Variants in RIT2 observed in about 807,000 individuals in gnomAD.
The protein encoded by RIT2 is Ras like without CAAX 2.
RIT2 carries 24 observed loss-of-function variants against 23.7 expected under a neutral mutation model. The ratio of observed to expected loss-of-function variants is 1.01; its 90% CI spans 0.73 to 1.43. The LOEUF is 1.43. Among genes scored for constraint, RIT2 ranks in the 40% most tolerant of loss-of-function variants. The pLI is 0.00. For missense variants in RIT2, 236 were observed against 266.9 expected, an observed-to-expected ratio of 0.88 and a Z score of 0.81; for synonymous variants, 107 against 91.1, an observed-to-expected ratio of 1.17 and a Z score of -0.99.
At chr18:42,867,693 C>T (rs976939240) in intron 4 of RIT2, among the ~76,000 whole-genome samples, 1 of 151,926 alleles carries the variant, frequency 6.6e-6, no homozygotes, top group Non-Finnish European at 1.5e-5. Flanking sequence ...ACTCAGGAGG[C>T]TGAGGTGGGA....
intron 4 of RIT2, among the ~76,000 whole-genome samples, chr18:42,902,654 CA>C (rs1454600931): frequency 5.3e-5 from 8 of 151,034 alleles, no homozygotes; most frequent in African/African-American, 1.9e-4. Flanking sequence ...CATTGTTTGT[CA>C]AGATAAAAAC....
chr18:42,775,654 G>A (rs1168701753), intron 4 of RIT2, among the ~76,000 whole-genome samples: 1 of 151,716 alleles, frequency 6.6e-6, no homozygotes, highest in African/African-American at 2.4e-5. Context: ...CCTAGATCGC[G>A]CCACTGCACT....
At chr18:42,771,789 G>A (rs962494301) in intron 4 of RIT2, among the ~76,000 whole-genome samples, 2 of 152,062 alleles carry the variant, frequency 1.3e-5, no homozygotes, top group African/African-American at 4.8e-5. Flanking sequence ...GTTATTCAGG[G>A]TATATTTCTT....
chr18:43,111,639 C>T (rs1409528429), intron 1 of RIT2, among the ~76,000 whole-genome samples: 1 of 152,084 alleles, frequency 6.6e-6, no homozygotes, highest in Admixed American at 6.6e-5. Context: ...AGCATAAACC[C>T]CAAATAAAAT....
intron 4 of RIT2, among the ~76,000 whole-genome samples, chr18:42,877,386 G>T (rs935958394): frequency 6.6e-6 from 1 of 150,810 alleles, no homozygotes; most frequent in Admixed American, 6.6e-5. Context: ...ACTTTGTTTT[G>T]CTAATTGCTA....
intron 4 of RIT2, among the ~76,000 whole-genome samples, chr18:42,880,194 T>C (rs1476808721): frequency 6.6e-6 from 1 of 152,138 alleles, no homozygotes; most frequent in Non-Finnish European, 1.5e-5. Flanking sequence ...TAGGTTCTTC[T>C]TATACAGACT....
In RIT2 at chr18:43,020,104, C is replaced by T. The variant is rs536788834; in HGVS notation, c.160+13707G>A. 2.6e-5 allele frequency among the ~76,000 whole-genome samples: 4 copies of T among 152,166 alleles called. No homozygotes were observed. The South Asian group carries it at 6.2e-4, about 24-fold the overall frequency. ...AAATAATTAATACTGTTAAAATGGA[C>T]ATATTACCCAAAGCTATCTACAGAT... On this transcript the variant is annotated intron_variant, in intron 2 of 4. Transcript: ENST00000326695.
At chr18:42,826,304 A>C (rs1477216795) in intron 4 of RIT2, among the ~76,000 whole-genome samples, 1 of 152,132 alleles carries the variant, frequency 6.6e-6, no homozygotes, top group Admixed American at 6.5e-5. Flanking sequence ...CCATTCACGT[A>C]TTAAGTGGCA....
intron 1 of RIT2, among the ~76,000 whole-genome samples, chr18:43,086,575 G>A (rs1023514209): frequency 4.6e-5 from 7 of 152,118 alleles, no homozygotes; most frequent in Non-Finnish European, 7.4e-5. Context: ...CCCACTGCGG[G>A]ATTCACATTT....
intron 4 of RIT2, among the ~76,000 whole-genome samples, chr18:42,775,493 G>A (rs542276234): frequency 5.3e-5 from 8 of 151,964 alleles, no homozygotes; most frequent in African/African-American, 1.7e-4. Flanking sequence ...TCAGGAGATC[G>A]AGACCATCTT....
intron 1 of RIT2, among the ~76,000 whole-genome samples, chr18:43,037,697 A>T (rs1192284908): frequency 2.0e-5 from 3 of 152,046 alleles, no homozygotes; most frequent in African/African-American, 7.2e-5. Flanking sequence ...ATATATATTT[A>T]TGATAGAATT....
chr18:42,840,101 G>C (rs762725915), intron 4 of RIT2, among the ~76,000 whole-genome samples: 8 of 152,134 alleles, frequency 5.3e-5, no homozygotes, highest in Non-Finnish European at 1.0e-4. Flanking sequence ...TAAAGCTTCT[G>C]TATTGCAAAA....
At chr18:42,959,239 CTT>C (rs1271419839) in intron 3 of RIT2, among the ~76,000 whole-genome samples, 1 of 152,106 alleles carries the variant, frequency 6.6e-6, no homozygotes, top group African/African-American at 2.4e-5. Context: ...AATTTGAAGT[CTT>C]ATTATTTGAC....
At chr18:42,819,752 CAGAGA>C (rs561658506) in intron 4 of RIT2, among the ~76,000 whole-genome samples, 27 of 152,110 alleles carry the variant, frequency 1.8e-4, no homozygotes, top group Non-Finnish European at 3.1e-4. Context: ...TTCAAGTCAG[CAGAGA>C]ATTCAGTAAA....
chr18:42,948,176 T>C (rs774272090), intron 3 of RIT2, among the ~76,000 whole-genome samples: 3 of 152,086 alleles, frequency 2.0e-5, no homozygotes, highest in Non-Finnish European at 4.4e-5. Context: ...TACTGAGACA[T>C]TTGTGACATC....
At chr18:42,905,088 C>T (rs1340792434) in intron 4 of RIT2, among the ~76,000 whole-genome samples, 1 of 152,064 alleles carries the variant, frequency 6.6e-6, no homozygotes, top group Admixed American at 6.6e-5. Flanking sequence ...CCCTTCAAGC[C>T]ATGTCTACAA....
At chr18:42,752,087 T>A (rs1045998870) in intron 4 of RIT2, among the ~76,000 whole-genome samples, 4 of 151,996 alleles carry the variant, frequency 2.6e-5, no homozygotes, top group African/African-American at 9.7e-5. Context: ...CCCAAAATAT[T>A]AATTTTTATA....
At chr18:42,920,617 G>T (rs1598715169) in intron 4 of RIT2, 11 of 954,014 alleles carry the variant, frequency 1.2e-5, no homozygotes, top group Admixed American at 6.8e-5. Flanking sequence ...TTGTCTTTTT[G>T]TTTTTTTTCT....
intron 3 of RIT2, among the ~76,000 whole-genome samples, chr18:42,950,470 G>T (rs1909824061): frequency 6.6e-6 from 1 of 151,994 alleles, no homozygotes; most frequent in African/African-American, 2.4e-5. Context: ...CACCATTCTG[G>T]ACATAGACTT....
Sources: allele counts gnomAD v4.1 joint callset (sites outside exome capture counted in the v4.1 genomes callset), GRCh38; gene constraint gnomAD v4.1.1; transcripts MANE v1.5; gene names NCBI Gene and HGNC (gene_info 2026-07-23, HGNC 2026-07-21).